VRK2: variants seen among roughly 807,000 people sequenced by gnomAD.
VRK2 encodes the protein VRK serine/threonine kinase 2.
A neutral mutation model predicts 57.6 loss-of-function variants in VRK2; 60 were observed. The ratio of observed to expected loss-of-function variants is 1.04; its 90% CI spans 0.85 to 1.29. The LOEUF is 1.29. Among genes scored for constraint, VRK2 ranks in the 50% most tolerant of loss-of-function variants. VRK2 has a pLI of 0.00. For synonymous variants in VRK2, 231 were observed against 199.2 expected, an observed-to-expected ratio of 1.16 and a Z score of -1.35; for missense variants, 705 against 588.1, an observed-to-expected ratio of 1.20 and a Z score of -2.06.
chr2:58,068,937 TTGTC>T (rs1375723318), intron 2 of VRK2, among the ~76,000 whole-genome samples: 12 of 152,172 alleles, frequency 7.9e-5, no homozygotes, highest in African/African-American at 2.9e-4. Flanking sequence ...TCAAAAGTGT[TTGTC>T]TTTATTTATT....
At chr2:58,035,435 T>G (rs1407220808) in intron 3 of VRK2, among the ~76,000 whole-genome samples, 4 of 152,012 alleles carry the variant, frequency 2.6e-5, no homozygotes, top group Non-Finnish European at 5.9e-5. Flanking sequence ...AGGAAAGTAT[T>G]ATGTACATTA....
chr2:58,025,002 G>A (rs1673879783), intron 1 of VRK2, among the ~76,000 whole-genome samples: 1 of 152,192 alleles, frequency 6.6e-6, no homozygotes, highest in Non-Finnish European at 1.5e-5. Flanking sequence ...ATGGCTATGT[G>A]ATAAGGCTTC....
At chr2:57,957,973 G>A (rs966050824) in intron 1 of VRK2, among the ~76,000 whole-genome samples, 7 of 152,064 alleles carry the variant, frequency 4.6e-5, no homozygotes, top group African/African-American at 1.4e-4. Flanking sequence ...CTCATATAGC[G>A]AAGTTGAGGC....
At chr2:58,028,861 T>C (rs957778312) in intron 2 of VRK2, among the ~76,000 whole-genome samples, 10 of 142,170 alleles carry the variant, frequency 7.0e-5, no homozygotes, top group South Asian at 2.3e-4. Context: ...ATTGTGCACA[T>C]GTACCCTAGA....
chr2:57,992,600 A>G (rs893384728), intron 1 of VRK2, among the ~76,000 whole-genome samples: 1 of 152,056 alleles, frequency 6.6e-6, no homozygotes, highest in Non-Finnish European at 1.5e-5. Context: ...GCAGTGGCGC[A>G]ATCTCAGCTC....
intron 2 of VRK2, among the ~76,000 whole-genome samples, chr2:58,065,244 C>G (rs1668453938): frequency 6.6e-6 from 1 of 152,086 alleles, no homozygotes; most frequent in African/African-American, 2.4e-5. Context: ...ATTCATCACC[C>G]TAAAATCTTC....
intron 1 of VRK2, among the ~76,000 whole-genome samples, chr2:58,015,013 G>A (rs1356796819): frequency 6.6e-6 from 1 of 152,118 alleles, no homozygotes; most frequent in Non-Finnish European, 1.5e-5. Context: ...ATACATTTGT[G>A]CAATTTTAAG....
intron 1 of VRK2, among the ~76,000 whole-genome samples, chr2:57,963,027 C>T (rs574682694): frequency 6.6e-6 from 1 of 152,128 alleles, no homozygotes; most frequent in Non-Finnish European, 1.5e-5. Context: ...GTCACTTACC[C>T]CTGCTAAACC....
exon 3 of VRK2, chr2:58,033,491 G>C (rs917067734): frequency 5.9e-5 from 9 of 151,950 alleles, no homozygotes; most frequent in Non-Finnish European, 1.0e-4. Flanking sequence ...TTCTCCCCTA[G>C]AGCCTCAAGA....
At chr2:58,085,720 T>A (rs1025740215) in intron 4 of VRK2, among the ~76,000 whole-genome samples, 1 of 151,916 alleles carries the variant, frequency 6.6e-6, no homozygotes, top group Admixed American at 6.6e-5. Context: ...TTAAACTATG[T>A]CACAGTGACA....
At chr2:58,019,680 A>G (rs997483763) in intron 1 of VRK2, among the ~76,000 whole-genome samples, 1 of 152,228 alleles carries the variant, frequency 6.6e-6, no homozygotes, top group African/African-American at 2.4e-5. Flanking sequence ...CCTGTGTGAT[A>G]TTATTCACCA....
At chr2:58,140,367 C>T (rs1251439110) in intron 11 of VRK2, among the ~76,000 whole-genome samples, 1 of 151,766 alleles carries the variant, frequency 6.6e-6, no homozygotes, top group Non-Finnish European at 1.5e-5. Flanking sequence ...TCCCAAAGAC[C>T]AACACCAACT....
chr2:58,092,010 T>A (rs1037621323), intron 7 of VRK2, among the ~76,000 whole-genome samples: 4 of 152,234 alleles, frequency 2.6e-5, no homozygotes, highest in African/African-American at 9.6e-5. Context: ...ATCTGCATAC[T>A]TTTCAAAGAT....
intron 7 of VRK2, among the ~76,000 whole-genome samples, chr2:58,105,399 T>G (rs529306692): frequency 6.6e-6 from 1 of 151,698 alleles, no homozygotes; most frequent in Non-Finnish European, 1.5e-5. Context: ...TGAACAGATA[T>G]TGTTTAAAAT....
chr2:58,154,820 TAA>T (rs1683552407), intron 12 of VRK2: 1 of 716,164 alleles, frequency 1.4e-6, no homozygotes, highest in East Asian at 2.7e-5. Context: ...TTCCATGCTA[TAA>T]GTGTCCTGCT....
chr2:57,988,019 C>G (rs552702889), intron 1 of VRK2, among the ~76,000 whole-genome samples: 86 of 152,206 alleles, frequency 5.7e-4, no homozygotes, highest in African/African-American at 1.9e-3. Flanking sequence ...AGATTGACCA[C>G]AAAGCATGGC....
At chr2:58,096,165 A>C (rs1022656955) in intron 7 of VRK2, among the ~76,000 whole-genome samples, 3 of 152,036 alleles carry the variant, frequency 2.0e-5, no homozygotes, top group African/African-American at 7.2e-5. Context: ...TATTAGTGTA[A>C]TGTTGAAGTT....
rs554696846 is a variant in VRK2 at position 57,982,032 on chromosome 2, G to A, written c.-438-43633G>A. ...GTGGGCTGATGTTCCTTTAATCTTT[G>A]AAGTTTCTGTCTTTTGGATGGAGCT... On this transcript the variant is annotated intron_variant, in intron 1 of 15. Transcript: ENST00000417641. Among the ~76,000 whole-genome samples the A allele has an allele frequency of 3.9e-4, 60 of 152,288 alleles. 1 individual carries two copies. Among genetic ancestry groups the A allele is most frequent in the African/African-American group, 1.3e-3 (54 of 41,560 alleles).
chr2:57,916,409 G>GAA lies in VRK2; in HGVS notation c.-439+8584_-439+8585dup, dbSNP rs34988462. Reference sequence around the variant, plus strand: ...AACAAGAGCAAAACTTCGTCTCAGAGAAAAAAAAAAAAAAAGACTACCCCC... The same window carrying GAA: ...AACAAGAGCAAAACTTCGTCTCAGAGAAAAAAAAAAAAAAAAAGACTACCCCC... On this transcript the variant is annotated intron_variant, in intron 1 of 15. Transcript: ENST00000417641. Among the ~76,000 whole-genome samples the GAA allele has an allele frequency of 3.1e-3, 410 of 131,660 alleles. 1 individual carries two copies. The highest frequency in any genetic ancestry group is 8.3e-3 in the African/African-American group (294 of 35,500). 86.4% of individuals were successfully genotyped at this position (131,660 alleles called of 152,430 possible).
Sources: allele counts gnomAD v4.1 joint callset (sites outside exome capture counted in the v4.1 genomes callset), GRCh38; gene constraint gnomAD v4.1.1; transcripts MANE v1.5; gene names NCBI Gene and HGNC (gene_info 2026-07-23, HGNC 2026-07-21).